FRRS1: variants seen among roughly 807,000 people sequenced by gnomAD.
FRRS1 encodes ferric reductase 1.
Under a neutral mutation model 70.7 loss-of-function variants are expected in FRRS1, and 51 were observed. The ratio of observed to expected loss-of-function variants is 0.72; its 90% CI spans 0.58 to 0.91. The LOEUF is 0.91. Among genes scored for constraint, FRRS1 ranks in the 40% least tolerant of loss-of-function variants. The pLI, the probability that FRRS1 is intolerant of heterozygous loss-of-function variation, is 0.00. For missense variants in FRRS1, 672 were observed against 726.0 expected (o/e 0.93, Z 0.86); for synonymous variants, 225 against 238.7 (o/e 0.94, Z 0.53).
In FRRS1 at chr1:99,735,176, G is replaced by T. The variant is rs138045153; in HGVS notation, c.759+2910C>A. Among the ~76,000 whole-genome samples, 124 of 152,270 alleles carry T rather than the reference G, an allele frequency of 8.1e-4. 2 individuals are homozygous for T. The highest frequency in any genetic ancestry group is 3.7e-3 in the Admixed American group (57 of 15,292). ...ATAACAAAACGATATTGAAGGAAAT[G>T]ATATTATTCAAGGAACTGCTGTATG... On this transcript the variant is annotated intron_variant, in intron 7 of 16. Coordinates refer to ENST00000646001, the MANE Select transcript of FRRS1 (RefSeq NM_001361041.2).
intron 5 of FRRS1, 100 bp from the exon 6 acceptor site, chr1:99,741,040 A>G: frequency 1.9e-6 from 2 of 1,076,302 alleles, no homozygotes; most frequent in Non-Finnish European, 2.7e-6. Context: ...AACTAGAAAA[A>G]CATGACTTAC....
intron 1 of FRRS1, among the ~76,000 whole-genome samples, chr1:99,761,088 C>T (rs567856297): frequency 6.6e-6 from 1 of 151,948 alleles, no homozygotes; most frequent in Non-Finnish European, 1.5e-5. Flanking sequence ...AATCACAGCA[C>T]CATCAGCAAG....
intron 15 of FRRS1, among the ~76,000 whole-genome samples, chr1:99,709,779 G>T (rs1043697867): frequency 1.3e-5 from 2 of 152,046 alleles, no homozygotes; most frequent in Non-Finnish European, 2.9e-5. Flanking sequence ...ATCAGCCTGG[G>T]CAACAAAGTG....
intron 8 of FRRS1, 138 bp downstream of exon 8, chr1:99,729,512 C>A (rs1655242344): frequency 1.8e-6 from 1 of 548,812 alleles, no homozygotes; most frequent in Non-Finnish European, 3.3e-6. Context: ...ATGAGAGGAG[C>A]CCTGCTGGCA....
chr1:99,736,293 G>A (rs1177751291), intron 7 of FRRS1, among the ~76,000 whole-genome samples: 2 of 152,160 alleles, frequency 1.3e-5, no homozygotes, highest in South Asian at 2.1e-4. Context: ...AGCTGAGCAA[G>A]TATAAAATTT....
At chr1:99,753,540 G>A (rs1242857707) in intron 1 of FRRS1, among the ~76,000 whole-genome samples, 1 of 152,024 alleles carries the variant, frequency 6.6e-6, no homozygotes, top group Admixed American at 6.5e-5. Context: ...GGCTGAGGCG[G>A]GTGGATCACG....
chr1:99,742,020 CT>C (rs968483131), intron 5 of FRRS1, among the ~76,000 whole-genome samples, 158 bp downstream of exon 5: 2 of 152,008 alleles, frequency 1.3e-5, no homozygotes, highest in African/African-American at 4.8e-5. Flanking sequence ...GAGTTGTAAA[CT>C]TTTTTTTCCT....
intron 11 of FRRS1, among the ~76,000 whole-genome samples, chr1:99,717,125 G>A (rs1000899382): frequency 6.6e-6 from 1 of 152,134 alleles, no homozygotes; most frequent in African/African-American, 2.4e-5. Flanking sequence ...AGAGGTATAA[G>A]TAAAGGTCAT....
At chr1:99,728,831 T>G (rs916110741) in intron 8 of FRRS1, among the ~76,000 whole-genome samples, 191 bp from the exon 9 acceptor site, 16 of 152,250 alleles carry the variant, frequency 1.1e-4, no homozygotes, top group Non-Finnish European at 2.2e-4. Context: ...TTATTTGTCT[T>G]TATCCCACTT....
At chr1:99,757,487 T>A (rs1039877480) in intron 1 of FRRS1, among the ~76,000 whole-genome samples, 1 of 152,210 alleles carries the variant, frequency 6.6e-6, no homozygotes, top group African/African-American at 2.4e-5. Flanking sequence ...TCTCACTTCA[T>A]TCCATTTGTG....
At chr1:99,754,194 CA>C (rs1309053507) in intron 1 of FRRS1, among the ~76,000 whole-genome samples, 5 of 152,218 alleles carry the variant, frequency 3.3e-5, no homozygotes, top group African/African-American at 1.2e-4. Flanking sequence ...GGCTGGGTAC[CA>C]TGGCTCATGC....
intron 10 of FRRS1, among the ~76,000 whole-genome samples, chr1:99,718,469 C>T (rs1419773022): frequency 1.3e-5 from 2 of 152,152 alleles, no homozygotes; most frequent in Non-Finnish European, 2.9e-5. Context: ...GCTGGGACTA[C>T]AGGCGTACAC....
chr1:99,725,416 G>A (rs988035558), intron 9 of FRRS1, among the ~76,000 whole-genome samples: 3 of 152,126 alleles, frequency 2.0e-5, no homozygotes, highest in Non-Finnish European at 4.4e-5. Flanking sequence ...GCTTACTTGG[G>A]AAAACCCCAT....
chr1:99,743,905 G>A (rs865827811), intron 4 of FRRS1, among the ~76,000 whole-genome samples: 14 of 152,092 alleles, frequency 9.2e-5, no homozygotes, highest in Admixed American at 2.0e-4. Flanking sequence ...GGGCCCATAC[G>A]AAGTGCCACT....
chr1:99,758,915 A>G (rs893376147), intron 1 of FRRS1, among the ~76,000 whole-genome samples: 2 of 152,148 alleles, frequency 1.3e-5, no homozygotes, highest in Non-Finnish European at 2.9e-5. Context: ...GGACTGAGAT[A>G]CGCCCTGGTC....
chr1:99,729,824 A>C (rs895747283), intron 7 of FRRS1, 76 bp from the exon 8 acceptor site: 3 of 888,366 alleles, frequency 3.4e-6, no homozygotes, highest in East Asian at 5.2e-5. Context: ...AAAAAAGTAC[A>C]TCAGGAAACC....
chr1:99,720,735 T>C (rs1425351913), intron 9 of FRRS1, among the ~76,000 whole-genome samples: 1 of 151,986 alleles, frequency 6.6e-6, no homozygotes, highest in Non-Finnish European at 1.5e-5. Context: ...CATGTCTTCA[T>C]CAAGATGTAT....
intron 7 of FRRS1, among the ~76,000 whole-genome samples, chr1:99,736,566 C>A (rs1385772601): frequency 1.0e-4 from 14 of 137,576 alleles, no homozygotes; most frequent in Non-Finnish European, 1.8e-4. Context: ...GGGAATTGAA[C>A]AATGAGAACA....
At chr1:99,713,432 A>G (rs549597749) in intron 12 of FRRS1, among the ~76,000 whole-genome samples, 4 of 152,362 alleles carry the variant, frequency 2.6e-5, no homozygotes, top group African/African-American at 9.6e-5. Context: ...CTCAATTCAT[A>G]TCACAAAATC....
Sources: allele counts gnomAD v4.1 joint callset (sites outside exome capture counted in the v4.1 genomes callset), GRCh38; gene constraint gnomAD v4.1.1; transcripts MANE v1.5; gene names NCBI Gene and HGNC (gene_info 2026-07-23, HGNC 2026-07-21).